The following COLQ variants were observed in gnomAD, a reference collection of about 807,000 sequenced individuals.
COLQ encodes the protein collagen like tail subunit of asymmetric acetylcholinesterase.
COLQ carries 48 observed loss-of-function variants against 69.0 expected under a neutral mutation model. The ratio of observed to expected loss-of-function variants is 0.70; its 90% confidence interval spans 0.55 to 0.88. The LOEUF (loss-of-function observed/expected upper bound fraction) is 0.88, where lower values mean the gene tolerates loss of function less well. Ranked by LOEUF, COLQ falls within the 40% of genes least tolerant of loss-of-function variation. COLQ has a pLI of 0.00. For missense variants in COLQ, 618 were observed against 594.6 expected, an observed-to-expected ratio of 1.04 and a Z score of -0.41; for synonymous variants, 217 against 211.2, an observed-to-expected ratio of 1.03 and a Z score of -0.24.
At chr3:15,477,047 T>C (rs2062390620) in intron 6 of COLQ, 79 bp downstream of exon 6, 2 of 1,328,252 alleles carry the variant, frequency 1.5e-6, no homozygotes, top group African/African-American at 2.9e-5. Context: ...CCTGACTATG[T>C]GCCAGGAGCC....
intron 1 of COLQ, chr3:15,496,319 CTAGTT>C (rs915957456): frequency 6.4e-6 from 1 of 155,066 alleles, no homozygotes; most frequent in Non-Finnish European, 1.5e-5. Context: ...TTTTAGGAGC[CTAGTT>C]TATTTACAGC....
At chr3:15,477,569 G>A in intron 5 of COLQ, 1 of 259,286 alleles carries the variant, frequency 3.9e-6, no homozygotes, top group Admixed American at 4.9e-5. Context: ...GATGCTGTCA[G>A]CACTCTTTCA....
chr3:15,464,758 T>A (rs2062171386), intron 12 of COLQ, among the ~76,000 whole-genome samples: 1 of 152,224 alleles, frequency 6.6e-6, no homozygotes, highest in Non-Finnish European at 1.5e-5. Flanking sequence ...ACAGAAAATG[T>A]TGCAGTCAAC....
At chr3:15,497,036 C>CTTT (rs371974104) in intron 1 of COLQ, among the ~76,000 whole-genome samples, 2,199 of 107,398 alleles carry the variant, frequency 0.02, 132 homozygotes, top group African/African-American at 0.07. Context: ...GTCCTTTTGC[C>CTTT]TTTTTTTTTT....
At chr3:15,453,040 T>C (rs1379353220) in intron 16 of COLQ, among the ~76,000 whole-genome samples, 2 of 152,170 alleles carry the variant, frequency 1.3e-5, no homozygotes, top group Non-Finnish European at 2.9e-5. Context: ...GGGCATGGCC[T>C]AGGTAAAAAG....
Position 15,470,584 on chromosome 3 carries a change from T to C in COLQ, c.669A>G (p.Ile223Met). 1 of 1,614,172 alleles carries C rather than the reference T, an allele frequency of 6.2e-7. No homozygotes were observed. Among genetic ancestry groups the C allele is most frequent in the Non-Finnish European group, 8.5e-7 (1 of 1,180,014 alleles). Residue 223 changes from isoleucine (I) to methionine (M), a missense_variant, in exon 11 of 17, where the codon ATA becomes ATG. By Grantham distance (10) the Ile-to-Met change is conservative. Transcript: ENST00000383788. ...TTCCTGTGGGTCCTCGGTGTCCTGC[T>C]ATCCCAGGTTCACCTTTTGGACCCA... ...GEMGPKGEPG[I>M]AGHRGPTGRP...
chr3:15,475,182 C>T (rs2062358696), intron 7 of COLQ: 2 of 655,598 alleles, frequency 3.1e-6, no homozygotes, highest in Non-Finnish European at 5.3e-6. Flanking sequence ...CAAAGGTTTC[C>T]ATCTGCTCTG....
At chr3:15,481,272 T>C (rs912826810) in intron 3 of COLQ, among the ~76,000 whole-genome samples, 1 of 152,198 alleles carries the variant, frequency 6.6e-6, no homozygotes, top group Non-Finnish European at 1.5e-5. Context: ...TCATGAAGTC[T>C]TTGCCCATGC....
At chr3:15,506,365 A>G (rs1270846336) in intron 1 of COLQ, among the ~76,000 whole-genome samples, 1 of 152,176 alleles carries the variant, frequency 6.6e-6, no homozygotes, top group Non-Finnish European at 1.5e-5. Flanking sequence ...TATTACATGC[A>G]TGTGATTCAA....
intron 12 of COLQ, among the ~76,000 whole-genome samples, chr3:15,459,363 T>C (rs1461796030): frequency 6.6e-6 from 1 of 152,076 alleles, no homozygotes; most frequent in Non-Finnish European, 1.5e-5. Context: ...ATACCCAGGA[T>C]ACACCTCAGA....
At chr3:15,494,474 G>A (rs2062716497) in intron 1 of COLQ, among the ~76,000 whole-genome samples, 1 of 152,168 alleles carries the variant, frequency 6.6e-6, no homozygotes, top group Non-Finnish European at 1.5e-5. Flanking sequence ...TAGTTTATGG[G>A]TGTTAGACAT....
chr3:15,458,926 C>T (rs1447402219), intron 12 of COLQ, among the ~76,000 whole-genome samples: 1 of 151,958 alleles, frequency 6.6e-6, no homozygotes, highest in African/African-American at 2.4e-5. Context: ...TCACTACAAC[C>T]TTTGCCTCCC....
In COLQ at chr3:15,459,490, T is replaced by C. The variant is rs1305205008; in HGVS notation, c.815-1165A>G. Among the ~76,000 whole-genome samples the C allele has an allele frequency of 1.1e-4, 16 of 151,460 alleles. No homozygotes were observed. In the East Asian group the frequency reaches 3.1e-3, roughly 29 times the overall value. The stretch of plus-strand genomic sequence containing the variant: ...AGCATAAGGCATCCTTTTTTTTTTT[T>C]TTTTTGGAGACGGAGCCTCACTCTG... On this transcript the variant is annotated intron_variant, in intron 12 of 16. Transcript: ENST00000383788.
chr3:15,487,969 T>A (rs1229627091), intron 3 of COLQ, among the ~76,000 whole-genome samples: 1 of 152,198 alleles, frequency 6.6e-6, no homozygotes, highest in African/African-American at 2.4e-5. Context: ...AAATTCAGTA[T>A]TGTAGGGACA....
In COLQ at chr3:15,501,335, G is replaced by A. The variant is rs558145822; in HGVS notation, c.107-11698C>T. 5.3e-5 allele frequency among the ~76,000 whole-genome samples: 8 copies of A among 152,290 alleles called. No individual in the cohort carries two copies. In the East Asian group the frequency reaches 1.2e-3, roughly 22 times the overall value. On this transcript the variant is annotated intron_variant, in intron 1 of 16. Transcript: ENST00000383788. The stretch of plus-strand genomic sequence containing the variant: ...GCCACACACAGGCCTGTTCCCTGCC[G>A]ATGGGGCTGAAGTAGATTCTGCTTT...
intron 12 of COLQ, among the ~76,000 whole-genome samples, chr3:15,463,315 GTTTTGT>G (rs2125098306): frequency 2.0e-5 from 3 of 151,270 alleles, no homozygotes; most frequent in African/African-American, 7.3e-5. Context: ...TTTGGTTTTG[GTTTTGT>G]TTTTTTTTGT....
chr3:15,456,629 G>A (rs2062029734), intron 13 of COLQ, 50 bp from the exon 14 acceptor site: 1 of 1,609,010 alleles, frequency 6.2e-7, no homozygotes, highest in Admixed American at 1.7e-5. Flanking sequence ...TCTGCAGGGG[G>A]CAGGAAAAAA....
chr3:15,479,659 G>A (rs148319102), intron 3 of COLQ, among the ~76,000 whole-genome samples: 1 of 152,202 alleles, frequency 6.6e-6, no homozygotes, highest in Non-Finnish European at 1.5e-5. Context: ...GTAACTCTTT[G>A]TTTGCATAAA....
At chr3:15,470,914 C>A (rs1340552516) in intron 10 of COLQ, among the ~76,000 whole-genome samples, 1 of 152,174 alleles carries the variant, frequency 6.6e-6, no homozygotes, top group African/African-American at 2.4e-5. Context: ...AAATCATCAC[C>A]CAGAACAGGC....
Sources: allele counts gnomAD v4.1 joint callset (sites outside exome capture counted in the v4.1 genomes callset), GRCh38; gene constraint gnomAD v4.1.1; transcripts MANE v1.5; gene names NCBI Gene and HGNC (gene_info 2026-07-23, HGNC 2026-07-21).